Variants in CELF5 observed in about 807,000 individuals in gnomAD.
The protein encoded by CELF5 is CUGBP Elav-like family member 5.
CELF5 carries 6 observed loss-of-function variants against 54.9 expected under a neutral mutation model. The ratio of observed to expected loss-of-function variants is 0.11; its 90% CI spans 0.06 to 0.22. CELF5 has a LOEUF of 0.22. Among genes scored for constraint, CELF5 ranks in the 10% least tolerant of loss-of-function variants. The pLI, the probability that CELF5 is intolerant of heterozygous loss-of-function variation, is 1.00. For synonymous variants in CELF5, 271 were observed against 290.9 expected (o/e 0.93, Z 0.70); for missense variants, 401 against 678.6 (o/e 0.59, Z 4.54).
At chr19:3,243,836 G>A (rs547909125) in intron 1 of CELF5, among the ~76,000 whole-genome samples, 3 of 151,952 alleles carry the variant, frequency 2.0e-5, no homozygotes, top group South Asian at 4.2e-4. Flanking sequence ...TCCCATCTCC[G>A]CCTGCATCTT....
chr19:3,268,867 G>A lies in CELF5; in HGVS notation c.343-5005G>A, dbSNP rs1241983264. ...TGAGGGGTAAGGATGGGGTGCAGCG[G>A]GGGGGCATTCTGTCACCAGCCACGT... On this transcript the variant is annotated intron_variant, in intron 2 of 12. Transcript: ENST00000292672. The surrounding 1 kb of genome is among the most constrained non-coding windows in gnomAD (Gnocchi z 4.4). 6.6e-6 allele frequency among the ~76,000 whole-genome samples: 1 copy of A among 152,056 alleles called. No individual in the cohort carries two copies. The highest frequency in any genetic ancestry group is 1.5e-5 in the Non-Finnish European group (1 of 68,012).
intron 2 of CELF5, among the ~76,000 whole-genome samples, chr19:3,258,858 G>A (rs147372511): frequency 0.011 from 1,736 of 152,124 alleles, 40 homozygotes; most frequent in African/African-American, 0.037. Context: ...CGATCCTCCC[G>A]CCTCGGCCTC....
chr19:3,231,742 A>G (rs933770875), intron 1 of CELF5, among the ~76,000 whole-genome samples: 1 of 57,110 alleles, frequency 1.8e-5, no homozygotes, highest in Non-Finnish European at 3.1e-5. Flanking sequence ...GGAGCGATGG[A>G]TGGGCATATG....
chr19:3,262,057 C>T (rs571081817), intron 2 of CELF5, among the ~76,000 whole-genome samples: 4 of 152,082 alleles, frequency 2.6e-5, no homozygotes, highest in East Asian at 3.9e-4. Context: ...TTTTTTGAGA[C>T]GGAGTCTTTC....
chr19:3,256,573 A>G (rs1350481255), intron 2 of CELF5, among the ~76,000 whole-genome samples: 1 of 144,100 alleles, frequency 6.9e-6, no homozygotes, highest in Non-Finnish European at 1.5e-5. Context: ...TATTATTATT[A>G]TTAATTTTTT....
chr19:3,237,012 A>T (rs1917637732), intron 1 of CELF5, among the ~76,000 whole-genome samples: 1 of 142,928 alleles, frequency 7.0e-6, no homozygotes, highest in Non-Finnish European at 1.5e-5. Context: ...AAAGTAAAGT[A>T]ATAAAGAATG....
intron 2 of CELF5, chr19:3,270,494 C>T (rs989545978): frequency 8.0e-5 from 12 of 150,566 alleles, no homozygotes; most frequent in Non-Finnish European, 1.8e-4. Context: ...CCTGGCACGC[C>T]TCCTCCCGGC....
chr19:3,285,044 C>A (rs113646375), intron 9 of CELF5, 80 bp downstream of exon 9: 1 of 1,135,462 alleles, frequency 8.8e-7, no homozygotes, highest in Non-Finnish European at 1.3e-6. Flanking sequence ...CCGCCCCGGA[C>A]GTGTCGTTCT....
chr19:3,286,757 G>C (rs1200156401), intron 10 of CELF5: 1 of 138,728 alleles, frequency 7.2e-6, no homozygotes, highest in African/African-American at 2.6e-5. Context: ...AAAAAAGGCC[G>C]GGCACGGTGG....
In CELF5 at chr19:3,262,807, C is replaced by T. The variant is rs550168516; in HGVS notation, c.343-11065C>T. 1.8e-4 allele frequency among the ~76,000 whole-genome samples: 27 copies of T among 152,040 alleles called. No individual in the cohort carries two copies. In the South Asian group the frequency reaches 5.6e-3, roughly 32 times the overall value. On this transcript the variant is annotated intron_variant, in intron 2 of 12. Transcript: ENST00000292672. ...TACAAAAATTAGCCGGGCATGGTGG[C>T]ACATGCCTGTCATCCCAGCTACTTG...
At position 3,226,440 on chromosome 19, in the gene CELF5, TCACACACA is replaced by T. The variant is rs71164666; in HGVS notation, c.259+1471_259+1478del. Among the ~76,000 whole-genome samples the T allele has an allele frequency of 2.6e-3, 308 of 118,964 alleles. 1 individual carries two copies. The highest frequency in any genetic ancestry group is 9.8e-3 in the African/African-American group (294 of 29,992). The allele number at this position is 118,964 out of a possible 152,430, so 78.0% of individuals were successfully genotyped here. On this transcript the variant is annotated intron_variant, in intron 1 of 12. Coordinates refer to ENST00000292672, the MANE Select transcript of CELF5 (RefSeq NM_021938.4). ...CCCCATCTCTTTTCAAAACCAACCA[TCACACACA>T]CACACACACACACACACACACACAC...
At chr19:3,293,159 A>G (rs2080379001) in intron 11 of CELF5, among the ~76,000 whole-genome samples, 160 bp from the exon 12 acceptor site, 1 of 152,162 alleles carries the variant, frequency 6.6e-6, no homozygotes, top group South Asian at 2.1e-4. Context: ...GAACAAAGCC[A>G]GGGCTGCTGT....
At chr19:3,266,325 G>A (rs546298607) in intron 2 of CELF5, among the ~76,000 whole-genome samples, 6 of 151,590 alleles carry the variant, frequency 4.0e-5, no homozygotes, top group Admixed American at 6.6e-5. Context: ...GTTTGGTCCC[G>A]TATCTCAGCC....
chr19:3,269,269 G>A (rs1333898904), intron 2 of CELF5, among the ~76,000 whole-genome samples: 4 of 152,118 alleles, frequency 2.6e-5, no homozygotes, highest in African/African-American at 7.2e-5. Flanking sequence ...TCTGCCTCCC[G>A]GGTTCAAGTG....
chr19:3,278,439 G>C lies in CELF5; in HGVS notation c.603+329G>C, dbSNP rs77076603. On this transcript the variant is annotated intron_variant, in intron 5 of 12. Transcript: ENST00000292672. The surrounding 1 kb of genome is among the most constrained non-coding windows in gnomAD (Gnocchi z 4.5). ...TGCATGCATGTGTGTGTGTGAGTGC[G>C]TGTTTGAGTGTGTCATTACTAGTAG... 1.3e-5 allele frequency among the ~76,000 whole-genome samples: 2 copies of C among 151,936 alleles called. No homozygotes were observed. The highest frequency in any genetic ancestry group is 4.1e-4 in the South Asian group (2 of 4,830).
chr19:3,247,901 G>A (rs1423550142), intron 1 of CELF5, among the ~76,000 whole-genome samples: 3 of 151,716 alleles, frequency 2.0e-5, no homozygotes, highest in Non-Finnish European at 2.9e-5. Context: ...AGCTAGAATA[G>A]CAGGTTCCCA....
chr19:3,293,309 G>T lies in CELF5; in HGVS notation c.1331-10G>T. ...GCGCCAACCACGGAGGTCCACCCTG[G>T]TTTCTGCAGGCTTCGTGAGCTTTGA... On this transcript the variant is annotated splice_polypyrimidine_tract_variant and intron_variant, in intron 11 of 12. Coordinates refer to ENST00000292672, the MANE Select transcript of CELF5 (RefSeq NM_021938.4). 2 of 1,613,976 alleles carry T rather than the reference G, an allele frequency of 1.2e-6. No individual in the cohort carries two copies. Among genetic ancestry groups the T allele is most frequent in the Non-Finnish European group, 1.7e-6 (2 of 1,179,914 alleles).
At chr19:3,267,482 G>A (rs772536552) in intron 2 of CELF5, among the ~76,000 whole-genome samples, 1 of 152,150 alleles carries the variant, frequency 6.6e-6, no homozygotes, top group Non-Finnish European at 1.5e-5. Flanking sequence ...TCACAGCCCC[G>A]GACACCACTT....
chr19:3,268,141 G>A lies in CELF5; in HGVS notation c.343-5731G>A, dbSNP rs2079908855. Among the ~76,000 whole-genome samples the A allele has an allele frequency of 6.6e-6, 1 of 152,112 alleles. No homozygotes were observed. Among genetic ancestry groups the A allele is most frequent in the Non-Finnish European group, 1.5e-5 (1 of 68,020 alleles). Reference sequence around the variant, plus strand: ...AGCCTCCCGAGTAGCTGGGATTACAGGTGCCCGCCACCACGCCCAGCTACT... The same window carrying A: ...AGCCTCCCGAGTAGCTGGGATTACAAGTGCCCGCCACCACGCCCAGCTACT... On this transcript the variant is annotated intron_variant, in intron 2 of 12. Transcript: ENST00000292672. The surrounding 1 kb of genome is among the most constrained non-coding windows in gnomAD (Gnocchi z 4.4).
Sources: gnomAD v4.1 joint callset for allele counts (sites outside exome capture counted in the v4.1 genomes callset) on GRCh38, gnomAD v4.1.1 for gene constraint, Gnocchi (gnomAD v3.1) non-coding constraint, MANE v1.5 for transcripts, NCBI Gene and HGNC (gene_info 2026-07-23, HGNC 2026-07-21) for gene names.